AHCYL2: variants seen among roughly 807,000 people sequenced by gnomAD.
AHCYL2 encodes the protein S-adenosylhomocysteine hydrolase-like protein 2.
AHCYL2 carries 28 observed loss-of-function variants against 81.4 expected under a neutral mutation model. That is an observed-to-expected ratio of 0.34 (90% confidence interval 0.25 to 0.47). The LOEUF (loss-of-function observed/expected upper bound fraction) is 0.47. Ranked by LOEUF, AHCYL2 falls within the 20% of genes least tolerant of loss-of-function variation. AHCYL2 has a pLI of 1.00. For missense variants in AHCYL2, 551 were observed against 785.1 expected, an observed-to-expected ratio of 0.70 and a Z score of 3.56; for synonymous variants, 272 against 290.2, an observed-to-expected ratio of 0.94 and a Z score of 0.64.
chr7:129,287,546 A>T (rs1796680772), intron 1 of AHCYL2, among the ~76,000 whole-genome samples: 1 of 152,212 alleles, frequency 6.6e-6, no homozygotes, highest in Admixed American at 6.5e-5. Context: ...GTGTTTTTGT[A>T]GGCTATTGCT....
At chr7:129,291,966 C>T (rs1433803908) in intron 1 of AHCYL2, among the ~76,000 whole-genome samples, 1 of 151,868 alleles carries the variant, frequency 6.6e-6, no homozygotes, top group African/African-American at 2.4e-5. Flanking sequence ...AACTTTATTC[C>T]TCCAAAAAAT....
At chr7:129,389,538 G>A (rs1033057614) in intron 3 of AHCYL2, 96 bp from the exon 4 acceptor site, 5 of 992,980 alleles carry the variant, frequency 5.0e-6, no homozygotes, top group Non-Finnish European at 7.4e-6. Flanking sequence ...CTGATCAGGG[G>A]AAGGATCTTA....
intron 1 of AHCYL2, among the ~76,000 whole-genome samples, chr7:129,358,944 G>A (rs779509759): frequency 6.6e-6 from 1 of 152,124 alleles, no homozygotes; most frequent in Non-Finnish European, 1.5e-5. Context: ...TTGGAAAATT[G>A]TTTGACATTA....
intron 1 of AHCYL2, among the ~76,000 whole-genome samples, chr7:129,322,036 A>G (rs937437653): frequency 2.0e-5 from 3 of 151,656 alleles, no homozygotes; most frequent in African/African-American, 7.3e-5. Context: ...TTGGCCCCCC[A>G]AAGTGCTGGG....
At chr7:129,423,416 C>T (rs1319949561) in intron 13 of AHCYL2, among the ~76,000 whole-genome samples, 1 of 152,172 alleles carries the variant, frequency 6.6e-6, no homozygotes, top group East Asian at 1.9e-4. Flanking sequence ...TAGGTACCTA[C>T]CTAGATATCA....
At chr7:129,299,398 T>G (rs1324818118) in intron 1 of AHCYL2, among the ~76,000 whole-genome samples, 3 of 69,834 alleles carry the variant, frequency 4.3e-5, no homozygotes, top group Non-Finnish European at 7.6e-5. Flanking sequence ...TTTTTTTTTT[T>G]TTTTTTTTTT....
rs187716860 is a variant in AHCYL2 at position 129,331,766 on chromosome 7, C to T, written c.364-47872C>T. On this transcript the variant is annotated intron_variant, in intron 1 of 16. Coordinates refer to ENST00000325006, the MANE Select transcript of AHCYL2 (RefSeq NM_015328.4). Reference sequence around the variant, plus strand: ...CTGAGGCAGGAGAACCTCTCGAACCCGGGAGGTGGAGGTTGCAGTGAGCTG... The same window carrying T: ...CTGAGGCAGGAGAACCTCTCGAACCTGGGAGGTGGAGGTTGCAGTGAGCTG... Among the ~76,000 whole-genome samples, 1,154 of 151,964 alleles carry T rather than the reference C, an allele frequency of 7.6e-3. 14 individuals are homozygous for T. The highest frequency in any genetic ancestry group is 0.026 in the African/African-American group (1,075 of 41,446).
intron 1 of AHCYL2, among the ~76,000 whole-genome samples, chr7:129,295,920 A>G (rs1797035109): frequency 6.6e-6 from 1 of 152,238 alleles, no homozygotes; most frequent in Non-Finnish European, 1.5e-5. Flanking sequence ...GGCCAAAGTC[A>G]GGATAAAAAT....
At chr7:129,354,274 A>G (rs970364480) in intron 1 of AHCYL2, among the ~76,000 whole-genome samples, 1 of 152,198 alleles carries the variant, frequency 6.6e-6, no homozygotes, top group African/African-American at 2.4e-5. Flanking sequence ...AGATAGGAGA[A>G]GATGGATGTG....
chr7:129,357,072 T>C (rs1793758048), intron 1 of AHCYL2, among the ~76,000 whole-genome samples: 1 of 152,196 alleles, frequency 6.6e-6, no homozygotes, highest in South Asian at 2.1e-4. Flanking sequence ...TATAGTGTTA[T>C]TTCGGGATTC....
chr7:129,366,747 G>C (rs1183767054), intron 1 of AHCYL2, among the ~76,000 whole-genome samples: 2 of 147,324 alleles, frequency 1.4e-5, no homozygotes, highest in African/African-American at 5.1e-5. Flanking sequence ...TTGCACTCCA[G>C]CCTGGGCAAC....
In AHCYL2 at chr7:129,269,636, A is replaced by G. The variant is rs545885555; in HGVS notation, c.363+44197A>G. On this transcript the variant is annotated intron_variant, in intron 1 of 16. Transcript: ENST00000325006. ...TTTTAATAGAGATGGGGGTCTCACT[A>G]TGTTGCCTAGGCTTGTCTTGAACTC... Among the ~76,000 whole-genome samples the G allele has an allele frequency of 1.2e-3, 188 of 151,888 alleles. 4 individuals carry two copies. In the South Asian group the frequency reaches 0.019, roughly 16 times the overall value.
intron 1 of AHCYL2, among the ~76,000 whole-genome samples, chr7:129,255,565 AAT>A (rs1491324480): frequency 2.0e-5 from 3 of 152,202 alleles, no homozygotes; most frequent in African/African-American, 7.2e-5. Context: ...TATTTACATG[AAT>A]GTGTGTGTGT....
chr7:129,295,019 C>T (rs1194296169), intron 1 of AHCYL2, among the ~76,000 whole-genome samples: 1 of 152,026 alleles, frequency 6.6e-6, no homozygotes, highest in Non-Finnish European at 1.5e-5. Context: ...GGATTGGTAC[C>T]ATTCTTTTAA....
intron 1 of AHCYL2, among the ~76,000 whole-genome samples, chr7:129,328,471 CT>C (rs1251275226): frequency 6.6e-6 from 1 of 151,582 alleles, no homozygotes; most frequent in East Asian, 1.9e-4. Flanking sequence ...CCACTGCGCC[CT>C]TTTTTTGTTG....
At chr7:129,340,428 C>T (rs1167060260) in intron 1 of AHCYL2, among the ~76,000 whole-genome samples, 1 of 151,358 alleles carries the variant, frequency 6.6e-6, no homozygotes, top group East Asian at 2.0e-4. Flanking sequence ...ATTAGCCGGG[C>T]GTGGTGGCAG....
chr7:129,401,225 G>A (rs1483397918), intron 6 of AHCYL2, among the ~76,000 whole-genome samples: 7 of 152,074 alleles, frequency 4.6e-5, no homozygotes, highest in Admixed American at 3.9e-4. Context: ...AGGAGGCTGG[G>A]ACTCCTAAGT....
At chr7:129,291,597 A>G (rs922905680) in intron 1 of AHCYL2, among the ~76,000 whole-genome samples, 1 of 150,830 alleles carries the variant, frequency 6.6e-6, no homozygotes, top group African/African-American at 2.4e-5. Flanking sequence ...ATTGCCACAA[A>G]GTCTTTTTTT....
intron 13 of AHCYL2, among the ~76,000 whole-genome samples, chr7:129,423,264 G>C (rs976993744): frequency 6.6e-6 from 1 of 152,132 alleles, no homozygotes; most frequent in Non-Finnish European, 1.5e-5. Context: ...GTCACTTGTG[G>C]GATGTTTTAA....
Sources: allele counts gnomAD v4.1 joint callset (sites outside exome capture counted in the v4.1 genomes callset), GRCh38; gene constraint gnomAD v4.1.1; transcripts MANE v1.5; gene names NCBI Gene and HGNC (gene_info 2026-07-23, HGNC 2026-07-21).